Variants in UMAD1 observed in about 807,000 individuals in gnomAD.
UMAD1 encodes the protein UBAP1-MVB12-associated (UMA)-domain containing protein 1.
UMAD1 carries 8 observed loss-of-function variants against 6.1 expected under a neutral mutation model. The ratio of observed to expected loss-of-function variants is 1.30; its 90% confidence interval spans 0.76 to 2.35. The LOEUF is 2.35. Ranked by LOEUF, UMAD1 falls within the 30% of genes most tolerant of loss-of-function variation. The probability of loss-of-function intolerance (pLI) is 0.00; values close to 1 mark genes in which losing one functional copy is unlikely to be tolerated. For missense variants in UMAD1, 130 were observed against 78.4 expected, an observed-to-expected ratio of 1.66 and a Z score of -2.49; for synonymous variants, 56 against 31.4, an observed-to-expected ratio of 1.78 and a Z score of -2.61.
At chr7:7,840,329 G>A (rs1444884568) in intron 3 of UMAD1, among the ~76,000 whole-genome samples, 3 of 152,110 alleles carry the variant, frequency 2.0e-5, no homozygotes, top group Admixed American at 1.3e-4. Context: ...CTTCAACCCC[G>A]ACTGCACATC....
At chr7:7,864,257 T>A (rs1416920553) in intron 3 of UMAD1, among the ~76,000 whole-genome samples, 1 of 152,130 alleles carries the variant, frequency 6.6e-6, no homozygotes, top group Non-Finnish European at 1.5e-5. Flanking sequence ...TCACAAAAAA[T>A]CACCAAACTT....
intron 3 of UMAD1, among the ~76,000 whole-genome samples, chr7:7,847,602 C>A (rs1783829626): frequency 1.3e-5 from 2 of 152,034 alleles, no homozygotes; most frequent in Non-Finnish European, 2.9e-5. Context: ...GCATGTTACT[C>A]CCCCTTATAA....
intron 1 of UMAD1, among the ~76,000 whole-genome samples, chr7:7,653,038 CCCATG>C (rs1785259120): frequency 6.6e-6 from 1 of 152,190 alleles, no homozygotes; most frequent in Non-Finnish European, 1.5e-5. Context: ...GACCTCACAT[CCCATG>C]ACTTAATTCT....
At chr7:7,857,124 C>T (rs1231388878) in intron 3 of UMAD1, among the ~76,000 whole-genome samples, 2 of 152,136 alleles carry the variant, frequency 1.3e-5, no homozygotes, top group Non-Finnish European at 2.9e-5. Context: ...AAAATATACA[C>T]ACGGGTCTTT....
intron 1 of UMAD1, among the ~76,000 whole-genome samples, chr7:7,672,283 T>C: frequency 6.6e-6 from 1 of 152,236 alleles, no homozygotes; most frequent in South Asian, 2.1e-4. Flanking sequence ...TTCTCCCCAG[T>C]TGTTTTCTAG....
At chr7:7,739,833 G>C (rs1781428345) in intron 2 of UMAD1, among the ~76,000 whole-genome samples, 1 of 152,230 alleles carries the variant, frequency 6.6e-6, no homozygotes, top group Non-Finnish European at 1.5e-5. Context: ...CTATTTAGTA[G>C]TTAGAGAAAC....
chr7:7,786,204 C>T (rs930631630), intron 2 of UMAD1, among the ~76,000 whole-genome samples: 5 of 152,146 alleles, frequency 3.3e-5, no homozygotes, highest in Admixed American at 6.5e-5. Context: ...TGCATTTACT[C>T]GGGATGTCTC....
At chr7:7,688,448 T>G (rs905737000) in intron 2 of UMAD1, among the ~76,000 whole-genome samples, 1 of 152,192 alleles carries the variant, frequency 6.6e-6, no homozygotes, top group Non-Finnish European at 1.5e-5. Context: ...TTTCACTGAT[T>G]ATCCGAATCC....
At chr7:7,875,735 T>C (rs1004308194) in intron 3 of UMAD1, among the ~76,000 whole-genome samples, 2 of 152,202 alleles carry the variant, frequency 1.3e-5, no homozygotes, top group East Asian at 1.9e-4. Flanking sequence ...TAAATCTTTA[T>C]TGAGCAGTAG....
intron 3 of UMAD1, among the ~76,000 whole-genome samples, chr7:7,813,682 A>G (rs11771698): frequency 0.19 from 29,195 of 152,142 alleles, 3,302 homozygotes; most frequent in East Asian, 0.34. Context: ...ACTTTTTAAG[A>G]TGGTTTCTCT....
intron 1 of UMAD1, among the ~76,000 whole-genome samples, chr7:7,649,946 C>T (rs570651542): frequency 5.3e-5 from 8 of 152,324 alleles, no homozygotes; most frequent in African/African-American, 1.9e-4. Flanking sequence ...ATTCATCAGA[C>T]ACTGAATATA....
intron 2 of UMAD1, among the ~76,000 whole-genome samples, chr7:7,749,943 T>C (rs1051151141): frequency 2.0e-5 from 3 of 152,270 alleles, no homozygotes; most frequent in Middle Eastern, 6.8e-3. Flanking sequence ...ACCAATGTTA[T>C]TCAGTCTCAG....
intron 2 of UMAD1, among the ~76,000 whole-genome samples, chr7:7,716,686 C>T (rs561307043): frequency 6.6e-6 from 1 of 152,374 alleles, no homozygotes; most frequent in South Asian, 2.1e-4. Flanking sequence ...TGGCTCACGC[C>T]TGTCATCCCA....
intron 2 of UMAD1, among the ~76,000 whole-genome samples, chr7:7,783,899 C>T (rs1782402795): frequency 6.6e-6 from 1 of 152,132 alleles, no homozygotes; most frequent in African/African-American, 2.4e-5. Flanking sequence ...ATGCTGTCTA[C>T]TCTAATTCAG....
Position 7,878,866 on chromosome 7 carries a change from A to G in UMAD1, c.*1328A>G, listed in dbSNP as rs1369458854. On this transcript the variant is annotated 3_prime_UTR_variant, in exon 4 of 4. Transcript: ENST00000682710. ...TGACAAAAATATGCTTCATTTACAT[A>G]TAATGTTACCATATGGTGTTAATGA... The G allele has an allele frequency of 1.3e-5, 2 of 152,230 alleles. No individual in the cohort carries two copies. Among genetic ancestry groups the G allele is most frequent in the Non-Finnish European group, 2.9e-5 (2 of 68,022 alleles). 9.4% of individuals were successfully genotyped at this position (152,230 alleles called of 1,614,324 possible).
chr7:7,708,603 C>G (rs1014997620), intron 2 of UMAD1, among the ~76,000 whole-genome samples: 5 of 152,124 alleles, frequency 3.3e-5, no homozygotes, highest in African/African-American at 1.2e-4. Context: ...CATATTTGTC[C>G]TTTTGGGACA....
intron 2 of UMAD1, among the ~76,000 whole-genome samples, chr7:7,790,263 A>G (rs990948561): frequency 2.0e-5 from 3 of 147,726 alleles, no homozygotes; most frequent in South Asian, 2.2e-4. Flanking sequence ...GTACACCGGA[A>G]TGTGAGATGC....
intron 2 of UMAD1, among the ~76,000 whole-genome samples, chr7:7,704,766 C>CAA (rs71011001): frequency 0.043 from 760 of 17,816 alleles, 189 homozygotes; most frequent in African/African-American, 0.13. Context: ...GACTCCATCT[C>CAA]AAAAAAAAAA....
intron 2 of UMAD1, among the ~76,000 whole-genome samples, chr7:7,731,032 T>C (rs1008072054): frequency 1.3e-5 from 2 of 152,222 alleles, no homozygotes; most frequent in Non-Finnish European, 2.9e-5. Context: ...GGTGTCTTGC[T>C]CTGTCACCAG....
Sources: gnomAD v4.1 joint callset for allele counts (sites outside exome capture counted in the v4.1 genomes callset) on GRCh38, gnomAD v4.1.1 for gene constraint, MANE v1.5 for transcripts, NCBI Gene and HGNC (gene_info 2026-07-23, HGNC 2026-07-21) for gene names.